The following CDYL variants were observed in gnomAD, a reference collection of about 807,000 sequenced individuals.
CDYL encodes the protein chromodomain Y like, also known as chromodomain Y-like protein.
CDYL carries 8 observed loss-of-function variants against 47.3 expected under a neutral mutation model. That is an observed-to-expected ratio of 0.17 (90% CI 0.10 to 0.31). The LOEUF (loss-of-function observed/expected upper bound fraction) is 0.31, where lower values mean the gene tolerates loss of function less well. CDYL is among the 10% of genes least tolerant of loss of function. The pLI is 1.00. For missense variants in CDYL, 471 were observed against 701.4 expected (o/e 0.67, Z 3.71); for synonymous variants, 266 against 265.0 (o/e 1.00, Z -0.04).
chr6:4,840,742 C>A (rs1425583105), intron 1 of CDYL, among the ~76,000 whole-genome samples: 1 of 152,190 alleles, frequency 6.6e-6, no homozygotes, highest in East Asian at 1.9e-4. Flanking sequence ...TGATATGAAA[C>A]CCACTTGATC....
At chr6:4,917,195 T>C (rs1447739859) in intron 2 of CDYL, among the ~76,000 whole-genome samples, 1 of 152,224 alleles carries the variant, frequency 6.6e-6, no homozygotes, top group Non-Finnish European at 1.5e-5. Context: ...TTGTTTTCTT[T>C]TAAAGAACCT....
At chr6:4,908,053 T>C (rs4960047) in intron 2 of CDYL, among the ~76,000 whole-genome samples, 130,863 of 152,234 alleles carry the variant, frequency 0.86, 56,346 homozygotes, top group Admixed American at 0.9. Flanking sequence ...TGGGCTGTCA[T>C]TCCTCAATGT....
intron 2 of CDYL, among the ~76,000 whole-genome samples, chr6:4,918,702 A>G (rs1309418596): frequency 6.6e-6 from 1 of 152,230 alleles, no homozygotes; most frequent in African/African-American, 2.4e-5. Context: ...TTCACTTTTA[A>G]GGATTTCCCT....
chr6:4,728,859 A>G (rs1437462467), intron 2 of CDYL, among the ~76,000 whole-genome samples: 18 of 152,152 alleles, frequency 1.2e-4, no homozygotes, highest in Non-Finnish European at 1.0e-4. Flanking sequence ...TGGAACAATG[A>G]CTTCTCTACA....
chr6:4,941,071 C>G (rs1209414612), intron 4 of CDYL, among the ~76,000 whole-genome samples: 1 of 152,192 alleles, frequency 6.6e-6, no homozygotes, highest in Non-Finnish European at 1.5e-5. Context: ...ATTATAAAGT[C>G]TTTTTAGACT....
At chr6:4,848,445 C>T (rs888737188) in intron 1 of CDYL, among the ~76,000 whole-genome samples, 11 of 152,132 alleles carry the variant, frequency 7.2e-5, no homozygotes, top group African/African-American at 2.4e-4. Context: ...ACCTTAAGCC[C>T]GATGTATGCC....
intron 2 of CDYL, among the ~76,000 whole-genome samples, chr6:4,734,409 A>C (rs574338535): frequency 3.4e-4 from 52 of 152,232 alleles, no homozygotes; most frequent in African/African-American, 1.2e-3. Context: ...TCCCCACCAG[A>C]CAGCCAGCCA....
At chr6:4,811,915 G>C (rs973148657) in intron 1 of CDYL, among the ~76,000 whole-genome samples, 6 of 152,164 alleles carry the variant, frequency 3.9e-5, no homozygotes, top group South Asian at 2.1e-4. Flanking sequence ...CCATTCATCA[G>C]CTCTTAGTGT....
chr6:4,884,536 A>G (rs1761850048), intron 1 of CDYL, among the ~76,000 whole-genome samples: 1 of 152,182 alleles, frequency 6.6e-6, no homozygotes, highest in African/African-American at 2.4e-5. Flanking sequence ...AGAGTTCTCC[A>G]GGGATCTTTT....
intron 2 of CDYL, among the ~76,000 whole-genome samples, chr6:4,902,938 G>A (rs921395832): frequency 6.6e-6 from 1 of 152,192 alleles, no homozygotes; most frequent in Non-Finnish European, 1.5e-5. Flanking sequence ...TGGTAAAATG[G>A]AAGTGTTGTG....
At chr6:4,725,827 G>A (rs1757502443) in intron 2 of CDYL, among the ~76,000 whole-genome samples, 1 of 152,262 alleles carries the variant, frequency 6.6e-6, no homozygotes, top group Non-Finnish European at 1.5e-5. Flanking sequence ...CCGAGAGCGA[G>A]CGAGGGCTGT....
At chr6:4,841,629 CG>C (rs1561664311) in intron 1 of CDYL, among the ~76,000 whole-genome samples, 1 of 151,902 alleles carries the variant, frequency 6.6e-6, no homozygotes, top group East Asian at 1.9e-4. Flanking sequence ...TTAAAATTTC[CG>C]TCTTGATTTC....
intron 2 of CDYL, among the ~76,000 whole-genome samples, chr6:4,899,258 A>G (rs1303862274): frequency 6.6e-6 from 1 of 152,230 alleles, no homozygotes. Flanking sequence ...CTATCCTCTT[A>G]GGTTTGTGGC....
At chr6:4,894,687 T>A (rs1762144747) in intron 2 of CDYL, among the ~76,000 whole-genome samples, 1 of 152,110 alleles carries the variant, frequency 6.6e-6, no homozygotes, top group African/African-American at 2.4e-5. Context: ...TGACCTCAAG[T>A]GATCCACCTG....
chr6:4,758,360 A>ATG (rs1418699931), intron 3 of CDYL, among the ~76,000 whole-genome samples: 2 of 134,420 alleles, frequency 1.5e-5, no homozygotes, highest in Non-Finnish European at 3.1e-5. Flanking sequence ...AAATATATAT[A>ATG]TATATATATA....
intron 1 of CDYL, among the ~76,000 whole-genome samples, chr6:4,885,222 A>G (rs1296047683): frequency 6.6e-6 from 1 of 152,142 alleles, no homozygotes; most frequent in African/African-American, 2.4e-5. Context: ...TCAAACTGCT[A>G]GGTTCTAGCA....
intron 2 of CDYL, among the ~76,000 whole-genome samples, chr6:4,927,565 G>A (rs760685764): frequency 9.9e-5 from 15 of 151,920 alleles, no homozygotes; most frequent in African/African-American, 1.4e-4. Flanking sequence ...ACAGGCATGC[G>A]CCACCACACC....
intron 1 of CDYL, among the ~76,000 whole-genome samples, chr6:4,784,517 A>G (rs1449926201): frequency 6.6e-6 from 1 of 152,240 alleles, no homozygotes; most frequent in Non-Finnish European, 1.5e-5. Context: ...AATGCAAAAC[A>G]GTAGTTTTCA....
At chr6:4,832,186 C>T (rs1330810845) in intron 1 of CDYL, among the ~76,000 whole-genome samples, 75 of 152,272 alleles carry the variant, frequency 4.9e-4, no homozygotes, top group Non-Finnish European at 5.9e-5. Flanking sequence ...AGTTTTTGTC[C>T]ATTCAGTATG....
Sources: allele counts gnomAD v4.1 joint callset (sites outside exome capture counted in the v4.1 genomes callset), GRCh38; gene constraint gnomAD v4.1.1; transcripts MANE v1.5; gene names NCBI Gene and HGNC (gene_info 2026-07-23, HGNC 2026-07-21).